The following NTRK1 variants were observed in gnomAD, a reference collection of about 807,000 sequenced individuals.
The protein encoded by NTRK1 is high affinity nerve growth factor receptor.
In NTRK1, 62 loss-of-function variants were observed where a neutral mutation model predicts 86.8. The ratio of observed to expected loss-of-function variants is 0.71; its 90% CI spans 0.58 to 0.88. The LOEUF (loss-of-function observed/expected upper bound fraction) is 0.88, where lower values mean the gene tolerates loss of function less well. NTRK1 is among the 40% of genes least tolerant of loss of function. The pLI, the probability that NTRK1 is intolerant of heterozygous loss-of-function variation, is 0.00. For missense variants in NTRK1, 967 were observed against 1,078.4 expected (o/e 0.90, Z 1.45); for synonymous variants, 469 against 456.6 (o/e 1.03, Z -0.35).
chr1:156,835,860 C>T (rs1654585001), intron 1 of NTRK1, among the ~76,000 whole-genome samples: 2 of 152,236 alleles, frequency 1.3e-5, no homozygotes, highest in South Asian at 4.1e-4. Flanking sequence ...AAAAGAGGTA[C>T]CCCTGCCTCC....
rs761207548 is a variant in NTRK1, at chr1:156,881,611, C to T, written c.2360C>T (p.Ala787Val). Residue 787 changes from alanine (A) to valine (V), a missense_variant, in exon 17 of 17, where the codon GCA (alanine) becomes GTA (valine). By Grantham distance (64) the Ala-to-Val change is moderately conservative. Coordinates refer to ENST00000524377, the MANE Select transcript of NTRK1 (RefSeq NM_002529.4). The stretch of plus-strand genomic sequence containing the variant: ...GCCCGGCTGCAAGCCCTGGCCCAGG[C>T]ACCTCCTGTCTACCTGGATGTCCTG... ...VHARLQALAQ[A>V]PPVYLDVLG The T allele has an allele frequency of 2.2e-5, 35 of 1,610,214 alleles. No individual in the cohort carries two copies. The South Asian group carries it at 3.8e-4, about 17-fold the overall frequency.
chr1:156,843,997 C>T (rs190611350), intron 2 of NTRK1, among the ~76,000 whole-genome samples: 125 of 152,300 alleles, frequency 8.2e-4, no homozygotes, highest in Admixed American at 2.6e-3. Flanking sequence ...CCAGGCTAAC[C>T]GGGATGAGTT....
rs1487279441 is a variant in NTRK1 at position 156,845,920 on chromosome 1, C to T, written c.50+3727C>T. 3.7e-6 allele frequency: 6 copies of T among 1,603,814 alleles called. No individual in the cohort carries two copies. In the East Asian group the frequency reaches 6.8e-5, roughly 18 times the overall value. ...CTCCATCTCCCCTTCCCCACCCGCCCCGCGGCCGGCCTGCGCGTCGTCCCT... is the reference window on the plus strand; with the variant it reads ...CTCCATCTCCCCTTCCCCACCCGCCTCGCGGCCGGCCTGCGCGTCGTCCCT... On this transcript the variant is annotated intron_variant, in intron 2 of 16. Coordinates refer to the NTRK1 transcript ENST00000392302.
intron 3 of NTRK1, among the ~76,000 whole-genome samples, 172 bp from the exon 4 acceptor site, chr1:156,866,738 C>A (rs1220548926): frequency 6.8e-6 from 1 of 146,380 alleles, no homozygotes; most frequent in Non-Finnish European, 1.5e-5. Context: ...GTCCCCCCAC[C>A]CCCCACCCCA....
chr1:156,867,580 G>A (rs1304861284), intron 4 of NTRK1, among the ~76,000 whole-genome samples: 3 of 152,246 alleles, frequency 2.0e-5, no homozygotes, highest in East Asian at 3.9e-4. Flanking sequence ...GCCATCCTCC[G>A]CCTCGGCCTC....
At chr1:156,852,914 G>C (rs1447093040) in intron 2 of NTRK1, among the ~76,000 whole-genome samples, 1 of 152,132 alleles carries the variant, frequency 6.6e-6, no homozygotes, top group Non-Finnish European at 1.5e-5. Context: ...TGCTGCTGAG[G>C]CGCTGGGGGT....
chr1:156,876,701 C>A, intron 14 of NTRK1, 129 bp downstream of exon 14: 2 of 1,176,686 alleles, frequency 1.7e-6, no homozygotes, highest in Non-Finnish European at 2.4e-6. Flanking sequence ...AAGGCACATT[C>A]CCGTCCCCAG....
upstream of NTRK1, chr1:156,860,857 A>T: frequency 8.7e-6 from 12 of 1,376,156 alleles, no homozygotes; most frequent in Non-Finnish European, 1.1e-5. Flanking sequence ...CCCAGCGCAC[A>T]TGTCGGGGGA....
intron 9 of NTRK1, 72 bp from the exon 10 acceptor site, chr1:156,874,499 G>A (rs1647770720): frequency 6.2e-7 from 1 of 1,612,018 alleles, no homozygotes. Flanking sequence ...ACCAGCTGGG[G>A]CCAGGGTTGG....
chr1:156,845,750 G>A (rs1240402189), intron 2 of NTRK1: 1 of 1,613,502 alleles, frequency 6.2e-7, no homozygotes, highest in Admixed American at 1.7e-5. Context: ...ACTCCATCTC[G>A]GCCTCAGGAT....
Position 156,881,720 on chromosome 1 carries a change from C to A in NTRK1, c.*78C>A. The A allele has an allele frequency of 7.2e-7, 1 of 1,389,922 alleles. No homozygotes were observed. The highest frequency in any genetic ancestry group is 9.7e-7 in the Non-Finnish European group (1 of 1,034,958). 86.1% of individuals were successfully genotyped at this position (1,389,922 alleles called of 1,614,324 possible). ...CAGCATCCCCCATAGCTCCCAGCAG[C>A]CCCAGGGTGATCTCAAAGTATCTAA... On this transcript the variant is annotated 3_prime_UTR_variant, in exon 17 of 17. Transcript: ENST00000524377.
In NTRK1 at chr1:156,864,486, A is replaced by G. The variant is rs912564090; in HGVS notation, c.287+58A>G. On this transcript the variant is annotated intron_variant, in intron 2 of 16. Coordinates refer to ENST00000524377, the MANE Select transcript of NTRK1 (RefSeq NM_002529.4). ...CAGCATGGGCCTGGGGGAGACCAGAAGGTCAGGGAGGGCTCAAGCATCCGA... is the reference window on the plus strand; with the variant it reads ...CAGCATGGGCCTGGGGGAGACCAGAGGGTCAGGGAGGGCTCAAGCATCCGA... 5 of 1,554,142 alleles carry G rather than the reference A, an allele frequency of 3.2e-6. No homozygotes were observed. In the African/African-American group the frequency reaches 6.8e-5, roughly 21 times the overall value.
Position 156,860,997 on chromosome 1 carries a change from C to G in NTRK1, c.63C>G (p.Ser21Arg), listed in dbSNP as rs1269566553. ...GWHSWAAGPG[S>R]LLAWLILASA... The stretch of plus-strand genomic sequence containing the variant: ...ACAGCTGGGCTGCGGGGCCGGGCAG[C>G]CTGCTGGCTTGGCTGATACTGGCAT... Residue 21 changes from serine (S) to arginine (R), a missense_variant, in exon 1 of 17, where the codon AGC becomes AGG. By Grantham distance (110) the Ser-to-Arg change is moderately radical. Transcript: ENST00000524377. The G allele has an allele frequency of 6.5e-6, 10 of 1,531,214 alleles. No homozygotes were observed. In the African/African-American group the frequency reaches 1.4e-4, roughly 21 times the overall value. 94.9% of individuals were successfully genotyped at this position (1,531,214 alleles called of 1,614,324 possible).
At chr1:156,874,121 C>T (rs1037851248) in intron 8 of NTRK1, 162 bp downstream of exon 8, 1 of 901,518 alleles carries the variant, frequency 1.1e-6, no homozygotes, top group Non-Finnish European at 1.7e-6. Flanking sequence ...TTACCCTCTC[C>T]CCAAGCCAGG....
At chr1:156,829,896 T>C (rs982250543) in intron 1 of NTRK1, among the ~76,000 whole-genome samples, 3 of 152,208 alleles carry the variant, frequency 2.0e-5, no homozygotes, top group Non-Finnish European at 4.4e-5. Flanking sequence ...CAGGTGATCC[T>C]CCAGCCTTGG....
Position 156,879,231 on chromosome 1 carries a change from G to T in NTRK1, c.1915G>T (p.Val639Leu), listed in dbSNP as rs775006393. Residue 639 changes from valine (V) to leucine (L), a missense_variant, in exon 15 of 17, where the codon GTG (valine) becomes TTG (leucine). By Grantham distance (32) the Val-to-Leu change is conservative. Around this residue, in one of 2 missense-constraint regions of NTRK1, gnomAD observed 637 missense variants for 776.5 expected, o/e 0.82. Coordinates refer to ENST00000524377, the MANE Select transcript of NTRK1 (RefSeq NM_002529.4). ...GGCTAGCCAGGTCGCTGCGGGGATG[G>T]TGTACCTGGCGGGTCTGCATTTTGT... is the stretch of plus-strand genomic sequence containing the variant. The part of the protein sequence containing the change: ...AVASQVAAGM[V>L]YLAGLHFVHR... The T allele has an allele frequency of 6.2e-7, 1 of 1,614,126 alleles. No homozygotes were observed. The highest frequency in any genetic ancestry group is 8.5e-7 in the Non-Finnish European group (1 of 1,180,036).
chr1:156,878,636 T>C (rs969892876), intron 14 of NTRK1, among the ~76,000 whole-genome samples: 1 of 152,298 alleles, frequency 6.6e-6, no homozygotes, highest in Admixed American at 6.5e-5. Context: ...GCGGGCATCC[T>C]GGACACCTTC....
chr1:156,874,427 T>C (rs2102909121), intron 9 of NTRK1, 27 bp downstream of exon 9: 1 of 1,614,054 alleles, frequency 6.2e-7, no homozygotes, highest in Non-Finnish European at 8.5e-7. Context: ...GGAGGGCAGG[T>C]TCTGCCTGGT....
intron 1 of NTRK1, 39 bp downstream of exon 1, chr1:156,861,185 GCA>G: frequency 6.5e-7 from 1 of 1,530,562 alleles, no homozygotes; most frequent in Non-Finnish European, 8.7e-7. Flanking sequence ...GCGGGGACAG[GCA>G]GGCATTGCAG....
Sources: gnomAD v4.1 joint callset for allele counts (sites outside exome capture counted in the v4.1 genomes callset) on GRCh38, gnomAD v4.1.1 for gene constraint, gnomAD v4.1.1 regional missense constraint, MANE v1.5 for transcripts, NCBI Gene and HGNC (gene_info 2026-07-23, HGNC 2026-07-21) for gene names.